FAM167A: variants seen among roughly 807,000 people sequenced by gnomAD.
FAM167A encodes the protein family with sequence similarity 167 member A, also known as protein FAM167A.
In FAM167A, 23 loss-of-function variants were observed where a neutral mutation model predicts 14.9. That is an observed-to-expected ratio of 1.55 (90% CI 1.11 to 2.19). The LOEUF (loss-of-function observed/expected upper bound fraction) is 2.19. Ranked by LOEUF, FAM167A falls within the 30% of genes most tolerant of loss-of-function variation. The probability of loss-of-function intolerance (pLI) is 0.00; values close to 1 mark genes in which losing one functional copy is unlikely to be tolerated. For missense variants in FAM167A, 401 were observed against 281.5 expected (o/e 1.42, Z -3.04); for synonymous variants, 174 against 117.7 (o/e 1.48, Z -3.10).
Position 11,424,860 on chromosome 8 carries a change from C to CT in FAM167A, c.382-225dup, listed in dbSNP as rs1805026298. 2.0e-5 allele frequency among the ~76,000 whole-genome samples: 3 copies of CT among 152,334 alleles called. No homozygotes were observed. The South Asian group carries it at 6.2e-4, about 32-fold the overall frequency. Reference sequence around the variant, plus strand: ...CTTTGTGCTAGGCTAGTTGCTGTATCTAAGTCCTTCTGAAAGACATGCATA... The same window carrying CT: ...CTTTGTGCTAGGCTAGTTGCTGTATCTTAAGTCCTTCTGAAAGACATGCATA... On this transcript the variant is annotated intron_variant, in intron 2 of 2. Transcript: ENST00000284486.
chr8:11,441,935 T>C (rs1239100184), intron 2 of FAM167A, among the ~76,000 whole-genome samples: 1 of 151,924 alleles, frequency 6.6e-6, no homozygotes, highest in Non-Finnish European at 1.5e-5. Flanking sequence ...TTAGAAGAGG[T>C]GAGTAATGCC....
intron 2 of FAM167A, among the ~76,000 whole-genome samples, chr8:11,436,485 A>G (rs990457710): frequency 2.6e-5 from 4 of 152,268 alleles, no homozygotes; most frequent in Non-Finnish European, 5.9e-5. Flanking sequence ...GAGCTCGGCC[A>G]TGCTGCTGGG....
At position 11,444,294 on chromosome 8, in the gene FAM167A, C is replaced by T; in HGVS notation, c.118G>A (p.Glu40Lys). Residue 40 changes from glutamate (E) to lysine (K), a missense_variant, in exon 2 of 3, where the codon GAG (glutamate) becomes AAG (lysine). Coordinates refer to ENST00000284486, the MANE Select transcript of FAM167A (RefSeq NM_053279.3). ...TCCAGGTAGGAGGGCCTGCGGGTCTCCAGCCTCAGTTTCTCGGTGAGGGCC... is the reference window on the plus strand; with the variant it reads ...TCCAGGTAGGAGGGCCTGCGGGTCTTCAGCCTCAGTTTCTCGGTGAGGGCC... ...LKALTEKLRL[E>K]TRRPSYLEWQ... 1 of 1,612,202 alleles carries T rather than the reference C, an allele frequency of 6.2e-7. No individual in the cohort carries two copies. The highest frequency in any genetic ancestry group is 8.5e-7 in the Non-Finnish European group (1 of 1,179,822).
At chr8:11,424,974 T>G (rs1244558507) in intron 2 of FAM167A, among the ~76,000 whole-genome samples, 2 of 152,082 alleles carry the variant, frequency 1.3e-5, no homozygotes, top group African/African-American at 4.8e-5. Flanking sequence ...AAACATAGGG[T>G]AACAGCTATC....
intron 1 of FAM167A, among the ~76,000 whole-genome samples, chr8:11,461,455 G>A (rs1286777369): frequency 6.6e-6 from 1 of 152,282 alleles, no homozygotes; most frequent in East Asian, 1.9e-4. Flanking sequence ...GGTGGCAGTG[G>A]GGATTAGAGG....
In FAM167A at chr8:11,437,002, T is replaced by C. The variant is rs144390406; in HGVS notation, c.381+7029A>G. Among the ~76,000 whole-genome samples the C allele has an allele frequency of 2.4e-3, 370 of 152,274 alleles. 5 individuals are homozygous for C. Among genetic ancestry groups the C allele is most frequent in the Non-Finnish European group, 1.6e-3 (108 of 68,026 alleles). ...CGCCTCCAAAGGGAAGTGAGGCAAA[T>C]CTATTTTCTGCCCCAGCCTCCAGGC... is the stretch of plus-strand genomic sequence containing the variant. On this transcript the variant is annotated intron_variant, in intron 2 of 2. Coordinates refer to ENST00000284486, the MANE Select transcript of FAM167A (RefSeq NM_053279.3).
Position 11,444,081 on chromosome 8 carries a change from C to A in FAM167A, c.331G>T (p.Glu111Ter). ...GCTTCATCGATGCTCTGAAAGCCTT[C>A]CAGCTTGCCAGTGGACAGGGGTCTG... ...GARPLSTGKL[E>*]GFQSIDEAIA... The change falls in exon 2 of 3, where the codon GAA becomes TAA. Residue 111 changes from glutamate to a stop codon, truncating the protein, a stop_gained. Coordinates refer to ENST00000284486, the MANE Select transcript of FAM167A (RefSeq NM_053279.3). LOFTEE classifies it high-confidence loss of function. The A allele has an allele frequency of 6.2e-7, 1 of 1,613,566 alleles. No individual in the cohort carries two copies. The highest frequency in any genetic ancestry group is 1.3e-5 in the African/African-American group (1 of 75,068).
In FAM167A at chr8:11,424,612, G is replaced by A. The variant is rs752846903; in HGVS notation, c.406C>T (p.Gln136Ter). The A allele has an allele frequency of 3.7e-6, 6 of 1,613,812 alleles. No individual in the cohort carries two copies. The Admixed American group carries it at 8.3e-5, about 22-fold the overall frequency. Residue 136 changes from glutamine (Q) to a stop codon, truncating the protein, a stop_gained, in exon 3 of 3, where the codon CAA becomes TAA. Transcript: ENST00000284486. LOFTEE classifies it high-confidence loss of function. Reference protein sequence around the residue: ...ELTEMRLQDQQLARQLMRLRG... With the variant: ...ELTEMRLQDQ Reference sequence around the variant, plus strand: ...AGGCGCATGAGCTGTCTGGCCAGTTGCTGGTCCTGCAGCCGCATCTCCGTC... The same window carrying A: ...AGGCGCATGAGCTGTCTGGCCAGTTACTGGTCCTGCAGCCGCATCTCCGTC...
intron 2 of FAM167A, among the ~76,000 whole-genome samples, chr8:11,430,136 C>A (rs961078484): frequency 4.6e-5 from 7 of 152,188 alleles, no homozygotes; most frequent in African/African-American, 1.7e-4. Context: ...AATTTCCAGT[C>A]CCCGCTCCCA....
chr8:11,457,986 A>T (rs1326591668), intron 1 of FAM167A, among the ~76,000 whole-genome samples: 1 of 152,218 alleles, frequency 6.6e-6, no homozygotes, highest in Non-Finnish European at 1.5e-5. Context: ...CCCTGTAAAC[A>T]GCAGATGTTC....
intron 2 of FAM167A, among the ~76,000 whole-genome samples, chr8:11,443,127 G>T (rs1806535746): frequency 6.6e-6 from 1 of 152,228 alleles, no homozygotes; most frequent in South Asian, 2.1e-4. Context: ...TGGGCCTCAG[G>T]GACGGGGTGG....
chr8:11,432,200 G>C (rs1805654284), intron 2 of FAM167A, among the ~76,000 whole-genome samples: 1 of 152,172 alleles, frequency 6.6e-6, no homozygotes, highest in Non-Finnish European at 1.5e-5. Flanking sequence ...CCCACGGACT[G>C]ATGTCTATGG....
At chr8:11,439,122 T>C (rs1380939266) in intron 2 of FAM167A, among the ~76,000 whole-genome samples, 1 of 152,244 alleles carries the variant, frequency 6.6e-6, no homozygotes, top group East Asian at 1.9e-4. Flanking sequence ...CTTAGCCACA[T>C]CCTTGCATAT....
intron 1 of FAM167A, among the ~76,000 whole-genome samples, chr8:11,452,967 G>A (rs916629465): frequency 6.6e-6 from 1 of 152,194 alleles, no homozygotes; most frequent in African/African-American, 2.4e-5. Flanking sequence ...ATCTGCTGCA[G>A]GAAAGCTGGG....
chr8:11,437,022 C>G (rs151101908), intron 2 of FAM167A, among the ~76,000 whole-genome samples: 1 of 152,198 alleles, frequency 6.6e-6, no homozygotes, highest in East Asian at 1.9e-4. Context: ...GCCCCAGCCT[C>G]CAGGCAAGTT....
intron 1 of FAM167A, among the ~76,000 whole-genome samples, chr8:11,452,995 T>A (rs1287359498): frequency 2.6e-5 from 4 of 152,056 alleles, no homozygotes; most frequent in Admixed American, 6.5e-5. Flanking sequence ...CCCCCCTCTG[T>A]CCCCTTCATC....
Position 11,450,863 on chromosome 8 carries a change from C to T in FAM167A, c.-397-6055G>A, listed in dbSNP as rs1472749144. 3.3e-5 allele frequency among the ~76,000 whole-genome samples: 5 copies of T among 152,112 alleles called. No individual in the cohort carries two copies. In the East Asian group the frequency reaches 9.7e-4, roughly 30 times the overall value. On this transcript the variant is annotated intron_variant, in intron 1 of 2. Coordinates refer to ENST00000284486, the MANE Select transcript of FAM167A (RefSeq NM_053279.3). Reference sequence around the variant, plus strand: ...ATGCCACCCACCCTGCCTGCCCTGACCACAAGTGTCCAGACATAGGTGTGC... The same window carrying T: ...ATGCCACCCACCCTGCCTGCCCTGATCACAAGTGTCCAGACATAGGTGTGC...
intron 2 of FAM167A, among the ~76,000 whole-genome samples, chr8:11,426,757 C>G (rs1223012380): frequency 6.6e-6 from 1 of 152,116 alleles, no homozygotes; most frequent in Non-Finnish European, 1.5e-5. Flanking sequence ...GTTGATCAGT[C>G]TTTGATCAAC....
At chr8:11,469,532 C>A (rs1807889576), upstream of FAM167A, among the ~76,000 whole-genome samples, 1 of 152,110 alleles carries the variant, frequency 6.6e-6, no homozygotes, top group African/African-American at 2.4e-5. Context: ...TGAGACATTG[C>A]CTCTTATAAT....
Sources: gnomAD v4.1 joint callset for allele counts (sites outside exome capture counted in the v4.1 genomes callset) on GRCh38, gnomAD v4.1.1 for gene constraint, MANE v1.5 for transcripts, NCBI Gene and HGNC (gene_info 2026-07-23, HGNC 2026-07-21) for gene names.